S100Z: variants seen among roughly 807,000 people sequenced by gnomAD.
The protein encoded by S100Z is protein S100-Z.
S100Z carries 11 observed loss-of-function variants against 8.5 expected under a neutral mutation model. That is an observed-to-expected ratio of 1.30 (90% CI 0.82 to 2.15). The LOEUF is 2.15. S100Z is among the 30% of genes most tolerant of loss of function. The probability of loss-of-function intolerance (pLI) is 0.00; values close to 1 mark genes in which losing one functional copy is unlikely to be tolerated. For synonymous variants in S100Z, 34 were observed against 43.8 expected (o/e 0.78, Z 0.89); for missense variants, 126 against 117.9 (o/e 1.07, Z -0.32).
the S100Z span, among the ~76,000 whole-genome samples, chr5:76,944,297 C>A: frequency 1.3e-5 from 2 of 152,152 alleles, no homozygotes; most frequent in African/African-American, 2.4e-5. Flanking sequence ...AATAAAAGCT[C>A]CTTTATTCAA....
At position 76,921,030 on chromosome 5, in the gene S100Z, A is replaced by G. The variant is rs973632300; in HGVS notation, c.*316A>G. On this transcript the variant is annotated 3_prime_UTR_variant, in exon 5 of 5. Transcript: ENST00000317593. Reference sequence around the variant, plus strand: ...AAATCTTTTACCATTTCTCATTAAAAAAGTAATATAAGTTTATTGTAGGGG... The same window carrying G: ...AAATCTTTTACCATTTCTCATTAAAGAAGTAATATAAGTTTATTGTAGGGG... 1 of 152,250 alleles carries G rather than the reference A, an allele frequency of 6.6e-6. No homozygotes were observed. Among genetic ancestry groups the G allele is most frequent in the Non-Finnish European group, 1.5e-5 (1 of 68,044 alleles). 9.4% of individuals were successfully genotyped at this position (152,250 alleles called of 1,614,324 possible).
chr5:76,865,795 T>C (rs2150629570), intron 1 of S100Z, among the ~76,000 whole-genome samples: 1 of 151,002 alleles, frequency 6.6e-6, no homozygotes, highest in African/African-American at 2.4e-5. Context: ...GGTGGATCAC[T>C]TGAGGTCAGT....
intron 4 of S100Z, among the ~76,000 whole-genome samples, chr5:76,914,135 T>C (rs538630260): frequency 6.6e-6 from 1 of 152,080 alleles, no homozygotes; most frequent in South Asian, 2.1e-4. Flanking sequence ...GCCTAAAGAG[T>C]TCCCCTCTGG....
Position 76,920,952 on chromosome 5 carries a change from T to C in S100Z, c.*238T>C, listed in dbSNP as rs1431635152. 6.6e-6 allele frequency: 1 copy of C among 152,196 alleles called. No individual in the cohort carries two copies. Among genetic ancestry groups the C allele is most frequent in the African/African-American group, 2.4e-5 (1 of 41,454 alleles). 9.4% of individuals were successfully genotyped at this position (152,196 alleles called of 1,614,324 possible). ...AATGTGATGTGCCTCTACAGCTGTA[T>C]GAAGTAGATTCTCTGATTTTATCTT... On this transcript the variant is annotated 3_prime_UTR_variant, in exon 5 of 5. Coordinates refer to ENST00000317593, the MANE Select transcript of S100Z (RefSeq NM_130772.4).
chr5:76,877,692 T>G lies in S100Z; in HGVS notation c.160T>G (p.Leu54Val). ...ATTTTAGTGCCAAAAGGAAACCCAG[T>G]TGGTTGATAAGATAGTGCAGGACCT... ...EFLSCQKETQ[L>V]VDKIVQDLDA... Residue 54 changes from leucine to valine, a missense_variant, in exon 4 of 5, where the codon TTG (leucine) becomes GTG (valine). Leu to Val is a conservative substitution (Grantham distance 32). Coordinates refer to ENST00000317593, the MANE Select transcript of S100Z (RefSeq NM_130772.4). 1 of 1,606,432 alleles carries G rather than the reference T, an allele frequency of 6.2e-7. No homozygotes were observed. The highest frequency in any genetic ancestry group is 1.1e-5 in the South Asian group (1 of 90,130).
chr5:76,863,639 C>CT (rs1454414386), intron 1 of S100Z, among the ~76,000 whole-genome samples: 6 of 151,896 alleles, frequency 4.0e-5, no homozygotes, highest in South Asian at 2.1e-4. Context: ...CCCGGGTTCA[C>CT]GCCATTCTCC....
At chr5:76,853,845 G>T (rs915533950) in intron 1 of S100Z, among the ~76,000 whole-genome samples, 1 of 151,936 alleles carries the variant, frequency 6.6e-6, no homozygotes, top group African/African-American at 2.4e-5. Context: ...AGTGGGGCTT[G>T]GTGGGAGGTG....
chr5:76,928,346 G>T, the S100Z span, among the ~76,000 whole-genome samples: 1 of 152,050 alleles, frequency 6.6e-6, no homozygotes, highest in African/African-American at 2.4e-5. Flanking sequence ...CTTTTACTTG[G>T]TAGAATCAAT....
intron 4 of S100Z, among the ~76,000 whole-genome samples, chr5:76,914,702 C>A (rs1256398660): frequency 6.6e-6 from 1 of 151,938 alleles, no homozygotes; most frequent in African/African-American, 2.4e-5. Flanking sequence ...CCTTTAAGAG[C>A]TGTAACACTC....
intron 1 of S100Z, among the ~76,000 whole-genome samples, chr5:76,857,469 G>T (rs984935880): frequency 1.7e-4 from 25 of 151,294 alleles, no homozygotes; most frequent in Non-Finnish European, 3.5e-4. Context: ...TCTTGGGTAG[G>T]ATTTGCCCCC....
Position 76,902,356 on chromosome 5 carries a change from G to A in S100Z, c.*3-18361G>A, listed in dbSNP as rs560903554. 2.0e-5 allele frequency among the ~76,000 whole-genome samples: 3 copies of A among 152,304 alleles called. 1 individual carries two copies. The South Asian group carries it at 6.2e-4, about 32-fold the overall frequency. On this transcript the variant is annotated intron_variant, in intron 4 of 4. Coordinates refer to ENST00000317593, the MANE Select transcript of S100Z (RefSeq NM_130772.4). ...TCTTGGAGACACAGAGTGCTGTAGC[G>A]CTCTGCTGAATTTGATCCAGTTTTC...
intron 4 of S100Z, among the ~76,000 whole-genome samples, chr5:76,882,650 A>T (rs549349017): frequency 6.6e-6 from 1 of 152,274 alleles, no homozygotes; most frequent in South Asian, 2.1e-4. Flanking sequence ...ATCAGCAGGG[A>T]GAGCATGTGT....
chr5:76,860,352 CAG>C (rs1254477738), intron 1 of S100Z, among the ~76,000 whole-genome samples: 3 of 152,114 alleles, frequency 2.0e-5, no homozygotes, highest in African/African-American at 7.2e-5. Flanking sequence ...GCTTGCATCA[CAG>C]ATCAAATTTC....
At chr5:76,944,011 T>C in the S100Z span, among the ~76,000 whole-genome samples, 1 of 152,200 alleles carries the variant, frequency 6.6e-6, no homozygotes, top group Non-Finnish European at 1.5e-5. Context: ...GACTGAGTTT[T>C]TTTTTTGGCA....
intron 1 of S100Z, among the ~76,000 whole-genome samples, chr5:76,867,126 C>T (rs576985381): frequency 3.9e-5 from 6 of 152,108 alleles, no homozygotes; most frequent in Non-Finnish European, 8.8e-5. Flanking sequence ...ATAAACTGCA[C>T]GTATTTAAAA....
the S100Z span, among the ~76,000 whole-genome samples, chr5:76,930,255 C>T: frequency 9.9e-5 from 15 of 152,222 alleles, no homozygotes; most frequent in African/African-American, 3.6e-4. Flanking sequence ...ACTCTGACAG[C>T]ATCTCCAGAG....
intron 4 of S100Z, among the ~76,000 whole-genome samples, chr5:76,899,632 T>C (rs889958483): frequency 3.9e-5 from 6 of 152,206 alleles, no homozygotes; most frequent in Admixed American, 6.5e-5. Flanking sequence ...ATAAAAACTC[T>C]ATGCCCTTAA....
intron 4 of S100Z, among the ~76,000 whole-genome samples, chr5:76,894,814 C>G (rs917450650): frequency 2.0e-5 from 3 of 151,980 alleles, no homozygotes; most frequent in Non-Finnish European, 4.4e-5. Flanking sequence ...GTCTTGAACC[C>G]CTGACCTCAG....
chr5:76,871,864 A>G (rs1214032911), intron 2 of S100Z, among the ~76,000 whole-genome samples: 1 of 152,186 alleles, frequency 6.6e-6, no homozygotes, highest in Admixed American at 6.5e-5. Context: ...TGTAAGCCCC[A>G]TACCCCTGCC....
Sources: allele counts gnomAD v4.1 joint callset (sites outside exome capture counted in the v4.1 genomes callset), GRCh38; gene constraint gnomAD v4.1.1; transcripts MANE v1.5; gene names NCBI Gene and HGNC (gene_info 2026-07-23, HGNC 2026-07-21).